The following SLC4A8 variants were observed in gnomAD, a reference collection of about 807,000 sequenced individuals.
SLC4A8 encodes electroneutral sodium bicarbonate exchanger 1.
A neutral mutation model predicts 125.0 loss-of-function variants in SLC4A8; 40 were observed. That is an observed-to-expected ratio of 0.32 (90% confidence interval 0.25 to 0.42). The LOEUF (loss-of-function observed/expected upper bound fraction) is 0.42. Ranked by LOEUF, SLC4A8 falls within the 10% of genes least tolerant of loss-of-function variation. The pLI is 1.00. For missense variants in SLC4A8, 863 were observed against 1,355.1 expected (o/e 0.64, Z 5.70); for synonymous variants, 456 against 476.0 (o/e 0.96, Z 0.55).
At chr12:51,462,202 G>A in intron 9 of SLC4A8, 108 bp from the exon 10 acceptor site, 1 of 1,029,636 alleles carries the variant, frequency 9.7e-7, no homozygotes, top group Non-Finnish European at 1.5e-6. Flanking sequence ...AGATCCCCGT[G>A]ACAGAGATAA....
intron 22 of SLC4A8, among the ~76,000 whole-genome samples, chr12:51,498,970 G>A (rs1297666053): frequency 6.9e-6 from 1 of 145,984 alleles, no homozygotes; most frequent in African/African-American, 2.5e-5. Flanking sequence ...GATCACCTGA[G>A]GTCAGGAGTT....
At chr12:51,393,170 A>G (rs899051834) in intron 1 of SLC4A8, among the ~76,000 whole-genome samples, 4 of 149,478 alleles carry the variant, frequency 2.7e-5, no homozygotes, top group African/African-American at 9.9e-5. Flanking sequence ...GCTGGAGTGC[A>G]GTGGAGCTAT....
In SLC4A8 at chr12:51,433,865, T is replaced by G. The variant is rs866093858; in HGVS notation, c.49-6843T>G. Among the ~76,000 whole-genome samples the G allele has an allele frequency of 3.4e-3, 216 of 62,986 alleles. 1 individual carries two copies. Among genetic ancestry groups the G allele is most frequent in the Middle Eastern group, 7.0e-3 (1 of 142 alleles). 41.3% of individuals were successfully genotyped at this position (62,986 alleles called of 152,430 possible). On this transcript the variant is annotated intron_variant, in intron 1 of 24. Transcript: ENST00000453097. ...ACACACCATCTGTTTTTTTTTTTTT[T>G]TTTTTTTTTTTTTGGTTGGTTTTTT...
chr12:51,493,580 T>A (rs1425020470), intron 19 of SLC4A8, 124 bp from the exon 20 acceptor site: 2 of 675,908 alleles, frequency 3.0e-6, no homozygotes, highest in African/African-American at 3.5e-5. Context: ...CAGAAACTAA[T>A]GCAATGTGTC....
Position 51,485,857 on chromosome 12 carries a change from T to C in SLC4A8, c.2243T>C (p.Ile748Thr), listed in dbSNP as rs141104407. 9 of 1,613,390 alleles carry C rather than the reference T, an allele frequency of 5.6e-6. No homozygotes were observed. The highest frequency in any genetic ancestry group is 5.0e-5 in the Admixed American group (3 of 60,012). ...IFTMVIIDFLIGVPSPKLQVP... is the reference protein window; with the variant it reads ...IFTMVIIDFLTGVPSPKLQVP... Reference sequence around the variant, plus strand: ...ACAATGGTGATTATTGATTTTTTGATTGGAGTCCCATCACCAAAGCTTCAA... The same window carrying C: ...ACAATGGTGATTATTGATTTTTTGACTGGAGTCCCATCACCAAAGCTTCAA... Residue 748 changes from isoleucine (I) to threonine (T), a missense_variant, in exon 17 of 25, where the codon ATT (isoleucine) becomes ACT (threonine). Transcript: ENST00000453097.
At chr12:51,431,604 AT>A (rs147265271) in intron 1 of SLC4A8, among the ~76,000 whole-genome samples, 3 of 150,000 alleles carry the variant, frequency 2.0e-5, no homozygotes, top group Admixed American at 6.7e-5. Context: ...TCCTTGTGGA[AT>A]TTTTTTTTTG....
chr12:51,451,108 G>A (rs1949953830), intron 3 of SLC4A8, 86 bp downstream of exon 3: 1 of 1,148,792 alleles, frequency 8.7e-7, no homozygotes, highest in Non-Finnish European at 1.1e-6. Context: ...TTAGCAGCTG[G>A]TCTTGATTCT....
rs115309800 is a variant in SLC4A8 at position 51,424,884 on chromosome 12, G to A, written c.-104G>A. ...GGTTGATGGTTGACCGTTGGCTCCG[G>A]GGTGGGGGTCGCCGTTCGAGTGATC... On this transcript the variant is annotated 5_prime_UTR_variant, in exon 1 of 25. Coordinates refer to ENST00000453097, the MANE Select transcript of SLC4A8 (RefSeq NM_001039960.3). 1.6e-5 allele frequency: 20 copies of A among 1,259,262 alleles called. No homozygotes were observed. The Admixed American group carries it at 1.9e-4, about 12-fold the overall frequency. The allele number at this position is 1,259,262 out of a possible 1,614,324, so 78.0% of individuals were successfully genotyped here.
chr12:51,433,884 G>GTTTTTTTTTTTTTTTTTTTTTTTTTTT (rs1565772495), intron 1 of SLC4A8, among the ~76,000 whole-genome samples: 4 of 72,202 alleles, frequency 5.5e-5, no homozygotes, highest in African/African-American at 5.5e-5. Flanking sequence ...TTTTTGGTTG[G>GTTTTTTTTTTTTTTTTTTTTTTTTTTT]TTTTTTTTTG....
At position 51,510,401 on chromosome 12, in the gene SLC4A8, G is replaced by A. The variant is rs1166861533; in HGVS notation, c.*2963G>A. 1 of 147,668 alleles carries A rather than the reference G, an allele frequency of 6.8e-6. No homozygotes were observed. The highest frequency in any genetic ancestry group is 2.0e-4 in the East Asian group (1 of 5,070). 9.1% of individuals were successfully genotyped at this position (147,668 alleles called of 1,614,324 possible). On this transcript the variant is annotated 3_prime_UTR_variant, in exon 25 of 25. Transcript: ENST00000453097. ...ATCATGCCACTGCACTCCAGCCTGG[G>A]TGACAGAGCAAGACTCCATTTCAAA...
chr12:51,514,936 G>A lies in SLC4A8; in HGVS notation c.*7498G>A, dbSNP rs1938481664. On this transcript the variant is annotated 3_prime_UTR_variant, in exon 25 of 25. Coordinates refer to ENST00000453097, the MANE Select transcript of SLC4A8 (RefSeq NM_001039960.3). Reference sequence around the variant, plus strand: ...AGGCATAATTCTTTTAGGAGATTCTGTGCTCAAAGGGAAGGGAATGGTTTC... The same window carrying A: ...AGGCATAATTCTTTTAGGAGATTCTATGCTCAAAGGGAAGGGAATGGTTTC... 2 of 152,214 alleles carry A rather than the reference G, an allele frequency of 1.3e-5. No homozygotes were observed. The highest frequency in any genetic ancestry group is 4.8e-5 in the African/African-American group (2 of 41,440). 9.4% of individuals were successfully genotyped at this position (152,214 alleles called of 1,614,324 possible). A position where few individuals can be genotyped will look rare whatever the true frequency, so the allele number is the denominator to read the frequency against.
At chr12:51,422,928 A>G (rs1159027686), upstream of SLC4A8, among the ~76,000 whole-genome samples, 2 of 152,140 alleles carry the variant, frequency 1.3e-5, no homozygotes, top group Non-Finnish European at 2.9e-5. Flanking sequence ...TTTATATAAT[A>G]TTACTCATTA....
chr12:51,461,113 T>C (rs191322595), intron 8 of SLC4A8, 91 bp from the exon 9 acceptor site: 1 of 602,578 alleles, frequency 1.7e-6, no homozygotes, highest in East Asian at 2.8e-5. Flanking sequence ...TTATGTACGA[T>C]AAGAGAGAGA....
chr12:51,465,121 A>G (rs1005029037), intron 11 of SLC4A8, among the ~76,000 whole-genome samples: 3 of 152,306 alleles, frequency 2.0e-5, no homozygotes, highest in South Asian at 2.1e-4. Flanking sequence ...CAAGGGAAGC[A>G]TATGTCCTCA....
Position 51,431,191 on chromosome 12 carries a change from G to A in SLC4A8, c.48+6156G>A, listed in dbSNP as rs986529117. ...GTCATCACATTTTTCTCTGACTCTAGTCTTCTGTCTCTCTCTTTCACGTTA... is the reference window on the plus strand; with the variant it reads ...GTCATCACATTTTTCTCTGACTCTAATCTTCTGTCTCTCTCTTTCACGTTA... On this transcript the variant is annotated intron_variant, in intron 1 of 24. Coordinates refer to ENST00000453097, the MANE Select transcript of SLC4A8 (RefSeq NM_001039960.3). Among the ~76,000 whole-genome samples the A allele has an allele frequency of 2.0e-5, 3 of 152,066 alleles. No individual in the cohort carries two copies. In the East Asian group the frequency reaches 5.8e-4, roughly 29 times the overall value.
intron 1 of SLC4A8, among the ~76,000 whole-genome samples, chr12:51,406,594 A>T (rs1278639362): frequency 6.6e-6 from 1 of 152,208 alleles, no homozygotes; most frequent in Non-Finnish European, 1.5e-5. Context: ...AACGAGTAGA[A>T]GTTTGCCAGG....
intron 1 of SLC4A8, chr12:51,425,406 C>T: frequency 9.3e-7 from 1 of 1,071,986 alleles, no homozygotes; most frequent in South Asian, 3.8e-5. Flanking sequence ...TAGCAGGGAC[C>T]TTGCTCTGGT....
chr12:51,450,903 G>A lies in SLC4A8; in HGVS notation c.158G>A (p.Arg53Gln), dbSNP rs756361982. 4.3e-6 allele frequency: 7 copies of A among 1,612,860 alleles called. No individual in the cohort carries two copies. The highest frequency in any genetic ancestry group is 1.7e-5 in the Admixed American group (1 of 59,906). The change falls in exon 3 of 25, where the codon CGG (arginine) becomes CAG (glutamine). Residue 53 changes from arginine (R) to glutamine (Q), a missense_variant. By Grantham distance (43) the Arg-to-Gln change is conservative. Transcript: ENST00000453097. ...EGHRTLYVGVRMPLGRQSHRH... is the reference protein window; with the variant it reads ...EGHRTLYVGVQMPLGRQSHRH... ...CACAGAACTCTGTATGTGGGAGTTC[G>A]GATGCCGCTTGGCCGGCAGAGCCAT...
At chr12:51,476,058 T>C (rs572831302) in intron 16 of SLC4A8, among the ~76,000 whole-genome samples, 1 of 152,240 alleles carries the variant, frequency 6.6e-6, no homozygotes, top group Non-Finnish European at 1.5e-5. Flanking sequence ...CATGTACTTT[T>C]ACCACAGTAT....
Sources: gnomAD v4.1 joint callset for allele counts (sites outside exome capture counted in the v4.1 genomes callset) on GRCh38, gnomAD v4.1.1 for gene constraint, MANE v1.5 for transcripts, NCBI Gene and HGNC (gene_info 2026-07-23, HGNC 2026-07-21) for gene names.